The following HSD17B14 variants were observed in gnomAD, a reference collection of about 807,000 sequenced individuals.
The protein encoded by HSD17B14 is L-fucose dehydrogenase.
Under a neutral mutation model 32.2 loss-of-function variants are expected in HSD17B14, and 32 were observed. That is an observed-to-expected ratio of 0.99 (90% CI 0.75 to 1.33). The LOEUF is 1.33. Among genes scored for constraint, HSD17B14 ranks in the 40% most tolerant of loss-of-function variants. HSD17B14 has a pLI of 0.00. For missense variants in HSD17B14, 370 were observed against 366.5 expected (o/e 1.01, Z -0.08); for synonymous variants, 140 against 155.4 (o/e 0.90, Z 0.74).
At chr19:48,815,475 A>G (rs1478528067) in intron 5 of HSD17B14, among the ~76,000 whole-genome samples, 1 of 152,150 alleles carries the variant, frequency 6.6e-6, no homozygotes, top group Non-Finnish European at 1.5e-5. Context: ...CAAGACAGGA[A>G]AATGGATGAG....
In HSD17B14 at chr19:48,813,313, C is replaced by A; in HGVS notation, c.675G>T (p.Gly225=). The A allele has an allele frequency of 1.3e-6, 2 of 1,597,170 alleles. No homozygotes were observed. The highest frequency in any genetic ancestry group is 1.1e-5 in the South Asian group (1 of 88,606). The part of the protein sequence containing the change: ...LGRMGQPAEV[G]AAAVFLASEA... ...CGGAGGCCAGGAACACTGCCGCAGC[C>A]CCGACCTCAGCGGGCTGGCCCATGC... is the stretch of plus-strand genomic sequence containing the variant. The change falls in exon 9 of 9, where the codon GGG becomes GGT. Residue 225 remains glycine (G), a synonymous_variant. Transcript: ENST00000263278.
intron 1 of HSD17B14, 39 bp from the exon 2 acceptor site, chr19:48,835,882 G>C (rs1356667507): frequency 1.2e-5 from 20 of 1,605,266 alleles, no homozygotes; most frequent in Non-Finnish European, 1.5e-5. Flanking sequence ...TCCGAGCCTT[G>C]GTTAAAGCCT....
chr19:48,818,253 G>C (rs948390840), intron 5 of HSD17B14, among the ~76,000 whole-genome samples: 12 of 149,962 alleles, frequency 8.0e-5, no homozygotes, highest in African/African-American at 3.0e-4. Flanking sequence ...AGAGGTTGCA[G>C]TAAGCCACAA....
intron 1 of HSD17B14, 46 bp downstream of exon 1, chr19:48,836,278 T>G: frequency 6.3e-6 from 9 of 1,423,730 alleles, no homozygotes; most frequent in East Asian, 2.3e-5. Flanking sequence ...GCCCCCATCC[T>G]TCCTTTCTCA....
chr19:48,815,596 G>A (rs959072990), intron 5 of HSD17B14, among the ~76,000 whole-genome samples: 1 of 152,020 alleles, frequency 6.6e-6, no homozygotes, highest in Non-Finnish European at 1.5e-5. Context: ...CTGCAGCCTC[G>A]AACTCCTGGG....
At chr19:48,819,984 G>A (rs909883582) in intron 5 of HSD17B14, among the ~76,000 whole-genome samples, 9 of 151,920 alleles carry the variant, frequency 5.9e-5, no homozygotes, top group African/African-American at 2.2e-4. Context: ...CTCCCTCGCA[G>A]CCATCTCAAC....
intron 6 of HSD17B14, among the ~76,000 whole-genome samples, chr19:48,814,545 G>GA (rs2035019043): frequency 6.7e-6 from 1 of 148,760 alleles, no homozygotes; most frequent in Non-Finnish European, 1.5e-5. Context: ...AGAAAGAAAA[G>GA]AAAAAACAGA....
chr19:48,834,295 G>C lies in HSD17B14; in HGVS notation c.191C>G (p.Thr64Ser). The C allele has an allele frequency of 6.2e-7, 1 of 1,614,014 alleles. No individual in the cohort carries two copies. Among genetic ancestry groups the C allele is most frequent in the Non-Finnish European group, 8.5e-7 (1 of 1,179,880 alleles). The change falls in exon 3 of 9, where the codon ACT becomes AGT. Residue 64 changes from threonine (T) to serine (S), a missense_variant. Physicochemically the swap from Thr to Ser is moderately conservative, Grantham distance 58 (BLOSUM62 1). Transcript: ENST00000263278. ...GCTTACCTTCACATCATCTTCCTGA[G>C]TCACATCACAGAGGATAAAGACAGC... ...PGAVFILCDV[T>S]QEDDVKTLVS...
At chr19:48,831,418 T>C (rs900900124) in intron 5 of HSD17B14, among the ~76,000 whole-genome samples, 1 of 152,062 alleles carries the variant, frequency 6.6e-6, no homozygotes, top group Non-Finnish European at 1.5e-5. Flanking sequence ...GCTGGTTTTG[T>C]GGCCCGCACC....
rs749106456 is a variant in HSD17B14 at position 48,813,359 on chromosome 19, AAG to A, written c.640-13_640-12del. ...CATGCGGCCCAGTGGCTGGGGAGAA[AAG>A]AGGGGGGAAGGAGGTCAAGAGGAGC... On this transcript the variant is annotated splice_polypyrimidine_tract_variant and intron_variant, in intron 8 of 8. Transcript: ENST00000263278. 7 of 1,564,804 alleles carry A rather than the reference AAG, an allele frequency of 4.5e-6. No individual in the cohort carries two copies. Among genetic ancestry groups the A allele is most frequent in the Middle Eastern group, 1.7e-4 (1 of 5,990 alleles).
Position 48,815,078 on chromosome 19 carries a change from C to A in HSD17B14, c.433G>T (p.Ala145Ser), listed in dbSNP as rs1283615758. 6.8e-6 allele frequency: 11 copies of A among 1,613,784 alleles called. No individual in the cohort carries two copies. Among genetic ancestry groups the A allele is most frequent in the Non-Finnish European group, 9.3e-6 (11 of 1,179,922 alleles). The stretch of plus-strand genomic sequence containing the variant: ...GGAACTGCCTGGGCCTGGCCGATTG[C>A]CCCCACCAGGCTGGAGATGTTGATG... ...NVINISSLVG[A>S]IGQAQAVPYV... The change falls in exon 6 of 9, where the codon GCA (alanine) becomes TCA (serine). Residue 145 changes from alanine (A) to serine (S), a missense_variant. Transcript: ENST00000263278.
rs748792003 is a variant in HSD17B14 at position 48,836,404 on chromosome 19, G to A, written c.8C>T (p.Thr3Met). 3 of 1,613,354 alleles carry A rather than the reference G, an allele frequency of 1.9e-6. No individual in the cohort carries two copies. The highest frequency in any genetic ancestry group is 2.7e-5 in the African/African-American group (2 of 74,672). The change falls in exon 1 of 9, where the codon ACG becomes ATG. Residue 3 changes from threonine to methionine, a missense_variant. Transcript: ENST00000263278. ...CACCTTCCCGGCATAGCGCGTTCCC[G>A]TAGCCATCCCGTGTACGTCGGTCTC... MA[T>M]GTRYAGKVVV...
chr19:48,826,042 G>C (rs979929369), intron 5 of HSD17B14, among the ~76,000 whole-genome samples: 1 of 151,632 alleles, frequency 6.6e-6, no homozygotes, highest in Non-Finnish European at 1.5e-5. Context: ...GGATGGTCTC[G>C]ATCTCCTGAC....
chr19:48,816,516 T>C (rs917258310), intron 5 of HSD17B14, among the ~76,000 whole-genome samples: 1 of 152,172 alleles, frequency 6.6e-6, no homozygotes, highest in African/African-American at 2.4e-5. Flanking sequence ...TGCCCAGGAC[T>C]GAAGGGTTTT....
intron 4 of HSD17B14, 74 bp downstream of exon 4, chr19:48,832,592 T>TG: frequency 2.3e-6 from 3 of 1,284,524 alleles, no homozygotes; most frequent in Non-Finnish European, 3.4e-6. Flanking sequence ...GGGCAGGGAG[T>TG]GGGGAAACTG....
At chr19:48,818,499 C>G (rs907902995) in intron 5 of HSD17B14, among the ~76,000 whole-genome samples, 1 of 147,740 alleles carries the variant, frequency 6.8e-6, no homozygotes, top group African/African-American at 2.5e-5. Flanking sequence ...CCATTTCTCT[C>G]TCAGTCTGTG....
Position 48,813,071 on chromosome 19 carries a change from T to C in HSD17B14, c.*104A>G, listed in dbSNP as rs1214345918. On this transcript the variant is annotated 3_prime_UTR_variant, in exon 9 of 9. Coordinates refer to ENST00000263278, the MANE Select transcript of HSD17B14 (RefSeq NM_016246.3). ...CCTGCAGGGTGACCCGGCACCTTGC[T>C]AACTGGGCTTAGAGTCTAAGGGCTT... is the stretch of plus-strand genomic sequence containing the variant. The C allele has an allele frequency of 2.9e-6, 2 of 686,682 alleles. No individual in the cohort carries two copies. The highest frequency in any genetic ancestry group is 3.6e-5 in the African/African-American group (2 of 55,618). The allele number at this position is 686,682 out of a possible 1,614,324, so 42.5% of individuals were successfully genotyped here.
intron 3 of HSD17B14, among the ~76,000 whole-genome samples, chr19:48,833,079 G>C (rs1260795386): frequency 6.6e-6 from 1 of 151,708 alleles, no homozygotes; most frequent in East Asian, 1.9e-4. Flanking sequence ...GCAGTAGATG[G>C]GGTGTCCAGC....
chr19:48,835,801 TCACCATCCTTGTCG>T lies in HSD17B14; in HGVS notation c.117_127+3del. The T allele has an allele frequency of 6.2e-7, 1 of 1,613,542 alleles. No individual in the cohort carries two copies. Among genetic ancestry groups the T allele is most frequent in the South Asian group, 1.1e-5 (1 of 91,074 alleles). On this transcript the variant is annotated splice_donor_variant and splice_donor_region_variant and coding_sequence_variant and intron_variant, in exon 2 of 9. Coordinates refer to ENST00000263278, the MANE Select transcript of HSD17B14 (RefSeq NM_016246.3). LOFTEE classifies it high-confidence loss of function. ...AAGGTGAGGGCTGAGGGACCGTCAC[TCACCATCCTTGTCG>T]CAGATAACCACTCGGGCCCCGCTGT...
Sources: allele counts gnomAD v4.1 joint callset (sites outside exome capture counted in the v4.1 genomes callset), GRCh38; gene constraint gnomAD v4.1.1; transcripts MANE v1.5; gene names NCBI Gene and HGNC (gene_info 2026-07-23, HGNC 2026-07-21).